Variants in CERT1 observed in about 807,000 individuals in gnomAD.
CERT1 encodes ceramide transporter 1.
In CERT1, 31 loss-of-function variants were observed where a neutral mutation model predicts 87.9. The ratio of observed to expected loss-of-function variants is 0.35; its 90% CI spans 0.27 to 0.48. The LOEUF is 0.48. Among genes scored for constraint, CERT1 ranks in the 20% least tolerant of loss-of-function variants. CERT1 has a pLI of 0.99. For missense variants in CERT1, 487 were observed against 758.0 expected, an observed-to-expected ratio of 0.64 and a Z score of 4.20; for synonymous variants, 289 against 250.9, an observed-to-expected ratio of 1.15 and a Z score of -1.44.
intron 3 of CERT1, among the ~76,000 whole-genome samples, chr5:75,445,166 C>T (rs1231074221): frequency 6.6e-6 from 1 of 152,198 alleles, no homozygotes; most frequent in Non-Finnish European, 1.5e-5. Context: ...AGTTACAATA[C>T]TATTAGCTTT....
At chr5:75,461,775 A>T (rs1765242143) in intron 2 of CERT1, among the ~76,000 whole-genome samples, 1 of 151,126 alleles carries the variant, frequency 6.6e-6, no homozygotes, top group Non-Finnish European at 1.5e-5. Context: ...TGTAAGTGGT[A>T]TAGAAAGTCT....
intron 2 of CERT1, among the ~76,000 whole-genome samples, chr5:75,491,181 G>T (rs772192534): frequency 6.6e-6 from 1 of 151,948 alleles, no homozygotes; most frequent in African/African-American, 2.4e-5. Context: ...AATATCCTTC[G>T]TTTAATGGCA....
intron 5 of CERT1, among the ~76,000 whole-genome samples, chr5:75,423,031 C>T (rs1464824426): frequency 6.6e-6 from 1 of 152,202 alleles, no homozygotes; most frequent in Non-Finnish European, 1.5e-5. Context: ...TTTAAGCCAC[C>T]CAGTCTGTGG....
At chr5:75,421,534 T>C (rs1580746958) in intron 5 of CERT1, among the ~76,000 whole-genome samples, 2 of 152,236 alleles carry the variant, frequency 1.3e-5, no homozygotes, top group African/African-American at 4.8e-5. Context: ...AATATGAGCA[T>C]ATCTTGATTA....
intron 3 of CERT1, among the ~76,000 whole-genome samples, chr5:75,437,156 A>G (rs1015910811): frequency 1.3e-5 from 2 of 152,192 alleles, no homozygotes; most frequent in Non-Finnish European, 2.9e-5. Flanking sequence ...AAACAGAGCA[A>G]GTCAAAACTA....
At chr5:75,494,153 G>A (rs1580851956) in intron 2 of CERT1, among the ~76,000 whole-genome samples, 1 of 152,204 alleles carries the variant, frequency 6.6e-6, no homozygotes, top group South Asian at 2.1e-4. Flanking sequence ...TTTGCTGTCT[G>A]CTCATTTTTA....
chr5:75,487,385 A>G (rs1392828522), intron 2 of CERT1, among the ~76,000 whole-genome samples: 4 of 152,126 alleles, frequency 2.6e-5, no homozygotes, highest in African/African-American at 9.6e-5. Flanking sequence ...TACTAAAAGA[A>G]AACACTGGGG....
Position 75,511,378 on chromosome 5 carries a change from C to T in CERT1, c.-171G>A, listed in dbSNP as rs1176554102. On this transcript the variant is annotated 5_prime_UTR_variant, in exon 1 of 17. Transcript: ENST00000643780. ...GTCCGCCCGCCGCGCCGCCGCCGCG[C>T]CTGACACCGAGCGGAGCGAGGAAGG... 6.5e-7 allele frequency: 1 copy of T among 1,546,568 alleles called. No homozygotes were observed. Among genetic ancestry groups the T allele is most frequent in the Non-Finnish European group, 8.7e-7 (1 of 1,145,830 alleles).
At chr5:75,412,274 C>A (rs1053641103) in intron 7 of CERT1, among the ~76,000 whole-genome samples, 1 of 152,038 alleles carries the variant, frequency 6.6e-6, no homozygotes, top group Non-Finnish European at 1.5e-5. Context: ...CTTTTGAAAG[C>A]GAAAGGGAAT....
intron 8 of CERT1, among the ~76,000 whole-genome samples, chr5:75,406,116 T>G (rs1012041725): frequency 1.3e-5 from 2 of 152,248 alleles, no homozygotes; most frequent in Non-Finnish European, 2.9e-5. Flanking sequence ...GTCATTTTCT[T>G]GATTAAAACC....
At chr5:75,483,655 G>A (rs1166503282) in intron 2 of CERT1, among the ~76,000 whole-genome samples, 3 of 152,058 alleles carry the variant, frequency 2.0e-5, no homozygotes, top group Admixed American at 2.0e-4. Flanking sequence ...TCTAGCAGAA[G>A]ACTTCTCAGT....
chr5:75,428,034 C>T (rs1364770591), intron 3 of CERT1, among the ~76,000 whole-genome samples: 1 of 152,090 alleles, frequency 6.6e-6, no homozygotes, highest in Admixed American at 6.5e-5. Flanking sequence ...TATCCATTGA[C>T]ATTTTATAGC....
intron 2 of CERT1, among the ~76,000 whole-genome samples, chr5:75,483,282 A>T (rs1766340438): frequency 6.6e-6 from 1 of 152,224 alleles, no homozygotes; most frequent in Admixed American, 6.5e-5. Context: ...ATAATTAATT[A>T]TGCAGAAGAT....
intron 2 of CERT1, among the ~76,000 whole-genome samples, chr5:75,472,261 T>C (rs983489955): frequency 1.3e-5 from 2 of 152,204 alleles, no homozygotes; most frequent in African/African-American, 4.8e-5. Flanking sequence ...TTCTCACTAT[T>C]ATGCAAAATT....
At chr5:75,458,819 G>C (rs557695204) in intron 3 of CERT1, among the ~76,000 whole-genome samples, 3 of 152,198 alleles carry the variant, frequency 2.0e-5, no homozygotes, top group African/African-American at 7.2e-5. Context: ...CAAAGTGCTG[G>C]GAATACAGGC....
upstream of CERT1, chr5:75,511,641 C>A: frequency 6.7e-7 from 1 of 1,503,656 alleles, no homozygotes; most frequent in Non-Finnish European, 8.9e-7. Flanking sequence ...CCCTCCCCTC[C>A]CCTGTCCTTT....
Position 75,511,399 on chromosome 5 carries a change from G to A in CERT1, c.-192C>T, listed in dbSNP as rs1211952160. 7 of 1,545,884 alleles carry A rather than the reference G, an allele frequency of 4.5e-6. No homozygotes were observed. Among genetic ancestry groups the A allele is most frequent in the Non-Finnish European group, 6.1e-6 (7 of 1,145,708 alleles). On this transcript the variant is annotated 5_prime_UTR_variant, in exon 1 of 17. Transcript: ENST00000643780. ...CGCGCCTGACACCGAGCGGAGCGAG[G>A]AAGGAGGACGAGCGGTGAAGGAAGC... is the stretch of plus-strand genomic sequence containing the variant.
intron 16 of CERT1, 150 bp from the exon 17 acceptor site, chr5:75,379,623 G>T: frequency 1.4e-6 from 1 of 737,614 alleles, no homozygotes; most frequent in African/African-American, 1.8e-5. Flanking sequence ...GTCTTGCTCT[G>T]TTGCCAGGGT....
At chr5:75,412,098 A>G (rs1762955445) in intron 7 of CERT1, among the ~76,000 whole-genome samples, 2 of 152,236 alleles carry the variant, frequency 1.3e-5, no homozygotes, top group Non-Finnish European at 2.9e-5. Context: ...GTCAAAACTG[A>G]TACTGGAGTC....
Sources: allele counts gnomAD v4.1 joint callset (sites outside exome capture counted in the v4.1 genomes callset), GRCh38; gene constraint gnomAD v4.1.1; transcripts MANE v1.5; gene names NCBI Gene and HGNC (gene_info 2026-07-23, HGNC 2026-07-21).